The following PTPN14 variants were observed in gnomAD, a reference collection of about 807,000 sequenced individuals.
The protein encoded by PTPN14 is tyrosine-protein phosphatase non-receptor type 14.
Under a neutral mutation model 126.8 loss-of-function variants are expected in PTPN14, and 53 were observed. The ratio of observed to expected loss-of-function variants is 0.42; its 90% CI spans 0.34 to 0.53. PTPN14 has a LOEUF of 0.53. PTPN14 is among the 20% of genes least tolerant of loss of function. The probability of loss-of-function intolerance (pLI) is 0.08; values close to 1 mark genes in which losing one functional copy is unlikely to be tolerated. For synonymous variants in PTPN14, 630 were observed against 599.3 expected (o/e 1.05, Z -0.75); for missense variants, 1,257 against 1,552.9 (o/e 0.81, Z 3.20).
intron 1 of PTPN14, chr1:214,530,987 T>C (rs1655532317): frequency 6.6e-6 from 1 of 152,078 alleles, no homozygotes; most frequent in Non-Finnish European, 1.5e-5. Flanking sequence ...ATTTACCTCC[T>C]AAAAAATCAA....
At chr1:214,494,717 G>A (rs963430016) in intron 1 of PTPN14, among the ~76,000 whole-genome samples, 2 of 152,152 alleles carry the variant, frequency 1.3e-5, no homozygotes, top group South Asian at 2.1e-4. Flanking sequence ...ATGTTTGGAC[G>A]TCTAAAGGAA....
Position 214,453,583 on chromosome 1 carries a change from T to C in PTPN14, c.175-1609A>G, listed in dbSNP as rs906126406. Among the ~76,000 whole-genome samples, 8 of 128,718 alleles carry C rather than the reference T, an allele frequency of 6.2e-5. No homozygotes were observed. The East Asian group carries it at 1.1e-3, about 17-fold the overall frequency. 84.4% of individuals were successfully genotyped at this position (128,718 alleles called of 152,430 possible). ...TGGTAAGTAACTACATCATAAGTGGTACCTTCTATTGCTGCTGCGGCTGCA... is the reference window on the plus strand; with the variant it reads ...TGGTAAGTAACTACATCATAAGTGGCACCTTCTATTGCTGCTGCGGCTGCA... On this transcript the variant is annotated intron_variant, in intron 2 of 18. Transcript: ENST00000366956.
intron 2 of PTPN14, among the ~76,000 whole-genome samples, chr1:214,459,613 G>C (rs1369881617): frequency 6.6e-6 from 1 of 152,034 alleles, no homozygotes; most frequent in Non-Finnish European, 1.5e-5. Flanking sequence ...GGGATTACAG[G>C]CATGTGCCAC....
chr1:214,487,243 GACAGGAATTAAAGTGAAGGAA>G (rs1661134631), intron 1 of PTPN14, among the ~76,000 whole-genome samples: 4 of 151,488 alleles, frequency 2.6e-5, no homozygotes, highest in Non-Finnish European at 5.9e-5. Flanking sequence ...TAAAGTGAAA[GACAGGAATTAAAGTGAAGGAA>G]GGAGGAGGAG....
In PTPN14 at chr1:214,383,845, C is replaced by T. The variant is rs750638867; in HGVS notation, c.2010G>A (p.Thr670=). 4.8e-5 allele frequency: 77 copies of T among 1,612,364 alleles called. No individual in the cohort carries two copies. The highest frequency in any genetic ancestry group is 3.3e-4 in the Middle Eastern group (2 of 6,084). ...CCTCGGGCGGTCCCTGCTCCCGGAG[C>T]GTGTTGCGGCGAGCCATGGGGAGGT... is the stretch of plus-strand genomic sequence containing the variant. ...SLHLPMARRN[T]LREQGPPEEG... is the part of the protein sequence containing the mutation. The change falls in exon 13 of 19, where the codon ACG becomes ACA. Residue 670 remains threonine (T), a synonymous_variant. Transcript: ENST00000366956. The surrounding 1 kb of genome is among the most constrained non-coding windows in gnomAD (Gnocchi z 4.4).
intron 1 of PTPN14, among the ~76,000 whole-genome samples, chr1:214,500,887 G>A (rs1654670510): frequency 6.6e-6 from 1 of 152,178 alleles, no homozygotes; most frequent in Non-Finnish European, 1.5e-5. Context: ...TAGCTTGGAA[G>A]GATGGCTGTG....
Position 214,364,743 on chromosome 1 carries a change from G to A in PTPN14, c.3272-68C>T, listed in dbSNP as rs1483646004. On this transcript the variant is annotated intron_variant, in intron 17 of 18. Transcript: ENST00000366956. This position sits in a 1 kb window ranked among gnomAD's most constrained non-coding sequence, Gnocchi z 4.1. ...GCTTCGCATGTAAGTTGGGGAGGGG[G>A]GAGCGGAAGAGAACTGATGGTGAGT... 2.1e-5 allele frequency: 32 copies of A among 1,505,686 alleles called. No homozygotes were observed. The highest frequency in any genetic ancestry group is 1.8e-5 in the Non-Finnish European group (20 of 1,108,068). 93.3% of individuals were successfully genotyped at this position (1,505,686 alleles called of 1,614,324 possible).
chr1:214,418,558 C>A (rs1329757832), intron 3 of PTPN14, among the ~76,000 whole-genome samples: 1 of 152,242 alleles, frequency 6.6e-6, no homozygotes, highest in Non-Finnish European at 1.5e-5. Context: ...GGGCAAACCA[C>A]CAATTTCACT....
At chr1:214,369,791 A>G in intron 16 of PTPN14, 100 bp from the exon 17 acceptor site, 2 of 1,057,868 alleles carry the variant, frequency 1.9e-6, no homozygotes, top group Non-Finnish European at 1.5e-6. Flanking sequence ...AATAGCTTCT[A>G]AATCGCTAGT....
chr1:214,426,910 T>A (rs1031833776), intron 3 of PTPN14, among the ~76,000 whole-genome samples: 1 of 152,118 alleles, frequency 6.6e-6, no homozygotes, highest in African/African-American at 2.4e-5. Context: ...AGAAGAGAAG[T>A]ACTAAGTAGG....
At chr1:214,414,523 A>T in intron 4 of PTPN14, 106 bp downstream of exon 4, 1 of 1,022,812 alleles carries the variant, frequency 9.8e-7, no homozygotes, top group Non-Finnish European at 1.5e-6. Flanking sequence ...AGGGAGCATT[A>T]CTAAGGGATC....
intron 2 of PTPN14, among the ~76,000 whole-genome samples, chr1:214,462,464 A>T (rs1231904923): frequency 6.6e-6 from 1 of 152,158 alleles, no homozygotes; most frequent in East Asian, 1.9e-4. Flanking sequence ...ACATCCTTGG[A>T]TCTTTGATAA....
chr1:214,487,763 C>A (rs767716597), intron 1 of PTPN14, among the ~76,000 whole-genome samples: 1 of 152,136 alleles, frequency 6.6e-6, no homozygotes, highest in Non-Finnish European at 1.5e-5. Flanking sequence ...ACATGTTAAG[C>A]AGTGACCTAA....
chr1:214,411,586 G>T, intron 5 of PTPN14, 98 bp downstream of exon 5: 1 of 864,056 alleles, frequency 1.2e-6, no homozygotes. Context: ...TTTTTCCCCA[G>T]GGAATATGCA....
chr1:214,458,268 T>G (rs1464555620), intron 2 of PTPN14, among the ~76,000 whole-genome samples: 1 of 152,134 alleles, frequency 6.6e-6, no homozygotes, highest in African/African-American at 2.4e-5. Context: ...AGGCTGGTCT[T>G]GAACCCCTGA....
At chr1:214,405,099 G>A (rs1297935333) in intron 5 of PTPN14, among the ~76,000 whole-genome samples, 1 of 152,104 alleles carries the variant, frequency 6.6e-6, no homozygotes, top group Non-Finnish European at 1.5e-5. Flanking sequence ...GGAAAGGATG[G>A]GCCTTTACAT....
chr1:214,542,574 G>A (rs749848697), intron 1 of PTPN14, among the ~76,000 whole-genome samples: 1 of 152,216 alleles, frequency 6.6e-6, no homozygotes, highest in Non-Finnish European at 1.5e-5. Flanking sequence ...GCACAGTGAG[G>A]TCAATGCCAA....
intron 1 of PTPN14, among the ~76,000 whole-genome samples, chr1:214,535,824 T>C (rs1264920834): frequency 6.6e-6 from 1 of 151,452 alleles, no homozygotes; most frequent in Non-Finnish European, 1.5e-5. Flanking sequence ...TTCCTTGTCA[T>C]CAAACATTGT....
At position 214,411,691 on chromosome 1, in the gene PTPN14, A is replaced by C; in HGVS notation, c.503T>G (p.Phe168Cys). The C allele has an allele frequency of 6.7e-7, 1 of 1,499,226 alleles. No homozygotes were observed. The highest frequency in any genetic ancestry group is 9.2e-7 in the Non-Finnish European group (1 of 1,086,668). 92.9% of individuals were successfully genotyped at this position (1,499,226 alleles called of 1,614,324 possible). The part of the protein sequence containing the change: ...SQDFLREYVL[F>C]PMDLALEEAV... Reference sequence around the variant, plus strand: ...AAATGAAATTACACTTACCATAGGAAATAGCACATACTCTCTGAGGAAATC... The same window carrying C: ...AAATGAAATTACACTTACCATAGGACATAGCACATACTCTCTGAGGAAATC... Residue 168 changes from phenylalanine (F) to cysteine (C), a missense_variant, in exon 5 of 19, where the codon TTT becomes TGT. Phe to Cys is a radical substitution (Grantham distance 205). This residue lies in a region of PTPN14 where 1,021 missense variants were observed against 1,183.3 expected (regional missense o/e 0.86). Coordinates refer to ENST00000366956, the MANE Select transcript of PTPN14 (RefSeq NM_005401.5).
Sources: gnomAD v4.1 joint callset for allele counts (sites outside exome capture counted in the v4.1 genomes callset) on GRCh38, gnomAD v4.1.1 for gene constraint, gnomAD v4.1.1 regional missense constraint, Gnocchi (gnomAD v3.1) non-coding constraint, MANE v1.5 for transcripts, NCBI Gene and HGNC (gene_info 2026-07-23, HGNC 2026-07-21) for gene names.